The following GLI4 variants were observed in gnomAD, a reference collection of about 807,000 sequenced individuals.
GLI4 encodes the protein zinc finger protein GLI4.
GLI4 carries 34 observed loss-of-function variants against 30.9 expected under a neutral mutation model. That is an observed-to-expected ratio of 1.10 (90% CI 0.84 to 1.47). The LOEUF is 1.47. GLI4 is among the 40% of genes most tolerant of loss of function. GLI4 has a pLI of 0.00. For missense variants in GLI4, 696 were observed against 538.9 expected (o/e 1.29, Z -2.89); for synonymous variants, 277 against 236.7 (o/e 1.17, Z -1.56).
Position 143,276,605 on chromosome 8 carries a change from T to A in GLI4, c.932T>A (p.Ile311Asn), listed in dbSNP as rs1195521174. 1.9e-6 allele frequency: 3 copies of A among 1,612,096 alleles called. No homozygotes were observed. Among genetic ancestry groups the A allele is most frequent in the Non-Finnish European group, 2.5e-6 (3 of 1,179,514 alleles). Residue 311 changes from isoleucine to asparagine, a missense_variant, in exon 4 of 4, where the codon ATC becomes AAC. Transcript: ENST00000340042. The stretch of plus-strand genomic sequence containing the variant: ...GCCTTCATCTGGAGCTCCGTGCTCA[T>A]CGAGCACCAGCGCATCCACACTGGC... ...GKAFIWSSVL[I>N]EHQRIHTGEK...
chr8:143,276,429 G>A lies in GLI4; in HGVS notation c.756G>A (p.Ser252=), dbSNP rs757470284. 20 of 1,611,374 alleles carry A rather than the reference G, an allele frequency of 1.2e-5. No homozygotes were observed. The South Asian group carries it at 1.4e-4, about 12-fold the overall frequency. Residue 252 remains serine, a synonymous_variant, in exon 4 of 4, where the codon TCG becomes TCA. Coordinates refer to ENST00000340042, the MANE Select transcript of GLI4 (RefSeq NM_138465.4). The stretch of plus-strand genomic sequence containing the variant: ...GCGGCCGCGCCTTCAGCCACAGCTC[G>A]CACTTCACGCAGCACCTGCGCATCC... The part of the protein sequence containing the change: ...GQCGRAFSHS[S]HFTQHLRIHN...
chr8:143,274,914 C>T (rs978928713), intron 3 of GLI4, 112 bp downstream of exon 3: 2 of 1,480,086 alleles, frequency 1.4e-6, no homozygotes, highest in Non-Finnish European at 9.0e-7. Context: ...CTTCCTGGGG[C>T]CCCTTTTCTT....
At chr8:143,274,116 G>A (rs763903028) in intron 2 of GLI4, among the ~76,000 whole-genome samples, 4 of 152,170 alleles carry the variant, frequency 2.6e-5, no homozygotes, top group Non-Finnish European at 5.9e-5. Context: ...AGGGGTGAGG[G>A]GCTCATAGAT....
chr8:143,276,735 C>T lies in GLI4; in HGVS notation c.1062C>T (p.Gly354=). 1 of 1,608,512 alleles carries T rather than the reference C, an allele frequency of 6.2e-7. No individual in the cohort carries two copies. ...THTGEKPFAC[G]ACGKAFGQSS... ...CGGGCGAGAAGCCCTTCGCGTGTGG[C>T]GCCTGCGGCAAGGCCTTCGGCCAGA... is the stretch of plus-strand genomic sequence containing the variant. Residue 354 remains glycine, a synonymous_variant, in exon 4 of 4, where the codon GGC becomes GGT. Transcript: ENST00000340042.
At chr8:143,271,646 C>G (rs1349562235) in intron 2 of GLI4, among the ~76,000 whole-genome samples, 1 of 152,196 alleles carries the variant, frequency 6.6e-6, no homozygotes, top group African/African-American at 2.4e-5. Context: ...GGGCCCACCC[C>G]AGGCACATGT....
Position 143,274,799 on chromosome 8 carries a change from C to T in GLI4, c.220C>T (p.Pro74Ser), listed in dbSNP as rs141816376. 4 of 1,557,998 alleles carry T rather than the reference C, an allele frequency of 2.6e-6. No individual in the cohort carries two copies. The African/African-American group carries it at 5.5e-5, about 21-fold the overall frequency. ...EVEIGRDTFWPDSEPKPEQAP... is the reference protein window; with the variant it reads ...EVEIGRDTFWSDSEPKPEQAP... ...GGAGATCGGCAGAGACACCTTCTGGCCCGGTGAGTGAGCAGAATCGGGTTA... is the reference window on the plus strand; with the variant it reads ...GGAGATCGGCAGAGACACCTTCTGGTCCGGTGAGTGAGCAGAATCGGGTTA... Residue 74 changes from proline (P) to serine (S), a missense_variant, in exon 3 of 4, where the codon CCC (proline) becomes TCC (serine). Transcript: ENST00000340042.
In GLI4 at chr8:143,275,983, C is replaced by T; in HGVS notation, c.310C>T (p.Leu104=). ...EGAGGALRSL[L]RSLPRRARCS... ...GGCGGGCGGGGCGCTGCGCAGCCTC[C>T]TGAGGAGCCTTCCCCGCAGGGCCCG... Residue 104 remains leucine, a synonymous_variant, in exon 4 of 4, where the codon CTG becomes TTG. Coordinates refer to ENST00000340042, the MANE Select transcript of GLI4 (RefSeq NM_138465.4). 7 of 1,398,750 alleles carry T rather than the reference C, an allele frequency of 5.0e-6. No homozygotes were observed. The highest frequency in any genetic ancestry group is 6.1e-5 in the East Asian group (2 of 33,014). 86.6% of individuals were successfully genotyped at this position (1,398,750 alleles called of 1,614,324 possible).
chr8:143,270,445 C>T (rs1044858336), intron 2 of GLI4, among the ~76,000 whole-genome samples: 3 of 152,190 alleles, frequency 2.0e-5, no homozygotes, highest in South Asian at 4.1e-4. Flanking sequence ...GTCTCCGCTG[C>T]GGTGTCCCGA....
In GLI4 at chr8:143,273,875, G is replaced by A. The variant is rs1013991968; in HGVS notation, c.125-829G>A. Among the ~76,000 whole-genome samples the A allele has an allele frequency of 4.6e-3, 55 of 12,012 alleles. 1 individual carries two copies. The highest frequency in any genetic ancestry group is 0.031 in the Middle Eastern group (1 of 32). 7.9% of individuals were successfully genotyped at this position (12,012 alleles called of 152,430 possible). On this transcript the variant is annotated intron_variant, in intron 2 of 3. Coordinates refer to ENST00000340042, the MANE Select transcript of GLI4 (RefSeq NM_138465.4). ...AGGGTGGCACAGCACTGAGGGGGCA[G>A]GTGAGGCACCAAGGTGGCACAGCAC...
In GLI4 at chr8:143,276,712, G is replaced by A; in HGVS notation, c.1039G>A (p.Gly347Ser). 1.2e-6 allele frequency: 2 copies of A among 1,611,142 alleles called. No homozygotes were observed. Reference protein sequence around the residue: ...HFFRHLRTHTGEKPFACGACG... With the variant: ...HFFRHLRTHTSEKPFACGACG... ...CTTCCGGCACCTGCGGACCCACACG[G>A]GCGAGAAGCCCTTCGCGTGTGGCGC... Residue 347 changes from glycine to serine, a missense_variant, in exon 4 of 4, where the codon GGC becomes AGC. Coordinates refer to ENST00000340042, the MANE Select transcript of GLI4 (RefSeq NM_138465.4).
intron 2 of GLI4, chr8:143,272,981 T>C (rs964324730): frequency 2.0e-5 from 3 of 152,188 alleles, no homozygotes; most frequent in African/African-American, 7.2e-5. Flanking sequence ...CCTATCTTGG[T>C]AATGTCACTG....
At chr8:143,269,651 C>A in intron 2 of GLI4, 131 bp downstream of exon 2, 1 of 772,244 alleles carries the variant, frequency 1.3e-6, no homozygotes, top group Non-Finnish European at 2.2e-6. Context: ...GCAGCTCCTT[C>A]AGCAGCTGGG....
intron 1 of GLI4, among the ~76,000 whole-genome samples, chr8:143,268,573 C>T (rs1007189679): frequency 1.3e-5 from 2 of 152,160 alleles, no homozygotes; most frequent in East Asian, 1.9e-4. Context: ...CTCTGCTGTT[C>T]GGGAAAAACC....
chr8:143,274,117 G>GCACCTGGGCCC (rs1341684811), intron 2 of GLI4, among the ~76,000 whole-genome samples: 36 of 152,206 alleles, frequency 2.4e-4, no homozygotes, highest in African/African-American at 7.7e-4. Flanking sequence ...GGGGTGAGGG[G>GCACCTGGGCCC]CTCATAGATG....
intron 2 of GLI4, among the ~76,000 whole-genome samples, chr8:143,272,697 C>T (rs1465123553): frequency 4.6e-5 from 7 of 152,156 alleles, no homozygotes; most frequent in Non-Finnish European, 8.8e-5. Flanking sequence ...CAGAAATGGC[C>T]CGAATGTGGG....
chr8:143,268,682 C>G (rs1373617155), intron 1 of GLI4, among the ~76,000 whole-genome samples: 1 of 152,260 alleles, frequency 6.6e-6, no homozygotes, highest in East Asian at 1.9e-4. Flanking sequence ...GGAAGACTCC[C>G]TATGCCTTTC....
At chr8:143,275,550 C>T (rs3829017) in intron 3 of GLI4, 970,183 of 1,256,544 alleles carry the variant, frequency 0.77, 375,943 homozygotes, top group African/African-American at 0.87. Flanking sequence ...GTCCCCCAGG[C>T]TCCGGGTCCT....
In GLI4 at chr8:143,268,817, G is replaced by T. The variant is rs1586725096; in HGVS notation, c.-37-543G>T. On this transcript the variant is annotated intron_variant, in intron 1 of 3. Transcript: ENST00000340042. ...CAGGCGGTGGCTGCTTCCTAAGCGC[G>T]CCTTCCAAGGCGTTACTCCTTTGCT... 7.0e-5 allele frequency among the ~76,000 whole-genome samples: 4 copies of T among 57,116 alleles called. No individual in the cohort carries two copies. The Admixed American group carries it at 7.8e-4, about 11-fold the overall frequency. 37.5% of individuals were successfully genotyped at this position (57,116 alleles called of 152,430 possible).
rs1265947786 is a variant in GLI4, at chr8:143,276,858, C to G, written c.*54C>G. The G allele has an allele frequency of 2.6e-6, 3 of 1,162,842 alleles. No individual in the cohort carries two copies. Among genetic ancestry groups the G allele is most frequent in the Admixed American group, 2.6e-5 (1 of 38,644 alleles). The allele number at this position is 1,162,842 out of a possible 1,614,324, so 72.0% of individuals were successfully genotyped here. A position where few individuals can be genotyped will look rare whatever the true frequency, so the allele number is the denominator to read the frequency against. ...TACCTGCCCCCAACCCACCCTCCAC[C>G]CCGTCCCCCACGGTGGGCACTGCCC... On this transcript the variant is annotated 3_prime_UTR_variant, in exon 4 of 4. Transcript: ENST00000340042.
Sources: allele counts gnomAD v4.1 joint callset (sites outside exome capture counted in the v4.1 genomes callset), GRCh38; gene constraint gnomAD v4.1.1; transcripts MANE v1.5; gene names NCBI Gene and HGNC (gene_info 2026-07-23, HGNC 2026-07-21).